Variants in SV2C observed in about 807,000 individuals in gnomAD.
The protein encoded by SV2C is synaptic vesicle glycoprotein 2C, also known as solute carrier family 22 member B3.
SV2C carries 49 observed loss-of-function variants against 79.7 expected under a neutral mutation model. That is an observed-to-expected ratio of 0.61 (90% CI 0.49 to 0.78). The LOEUF (loss-of-function observed/expected upper bound fraction) is 0.78, where lower values mean the gene tolerates loss of function less well. Among genes scored for constraint, SV2C ranks in the 30% least tolerant of loss-of-function variants. The pLI is 0.00. For synonymous variants in SV2C, 334 were observed against 333.2 expected (o/e 1.00, Z -0.03); for missense variants, 833 against 912.9 (o/e 0.91, Z 1.13).
intron 9 of SV2C, 70 bp from the exon 10 acceptor site, chr5:76,298,724 A>C: frequency 6.4e-7 from 1 of 1,566,964 alleles, no homozygotes; most frequent in South Asian, 1.2e-5. Context: ...CTCTAAAACT[A>C]TTTGACTTAG....
intron 2 of SV2C, among the ~76,000 whole-genome samples, chr5:76,185,840 G>A (rs1409300463): frequency 1.3e-5 from 2 of 152,190 alleles, no homozygotes; most frequent in African/African-American, 4.8e-5. Flanking sequence ...TTCAGCTCCT[G>A]TTACTTATGC....
chr5:76,021,706 G>T, the SV2C span, among the ~76,000 whole-genome samples: 1 of 152,164 alleles, frequency 6.6e-6, no homozygotes, highest in East Asian at 1.9e-4. Context: ...TCCTGGAAAA[G>T]TCATTTTATA....
At chr5:75,999,228 TGG>T in the SV2C span, among the ~76,000 whole-genome samples, 1 of 151,978 alleles carries the variant, frequency 6.6e-6, no homozygotes, top group Non-Finnish European at 1.5e-5. Context: ...GAGATTTGGG[TGG>T]GGACACAGCC....
the SV2C span, among the ~76,000 whole-genome samples, chr5:75,875,078 T>C: frequency 6.6e-6 from 1 of 151,944 alleles, no homozygotes; most frequent in Admixed American, 6.6e-5. Context: ...ACAACAACAC[T>C]ATTTTAAAAT....
intron 1 of SV2C, among the ~76,000 whole-genome samples, chr5:76,128,924 A>G (rs1748793565): frequency 6.6e-6 from 1 of 152,202 alleles, no homozygotes; most frequent in Admixed American, 6.5e-5. Flanking sequence ...TAACCTTCCC[A>G]TGTAGATACA....
the SV2C span, among the ~76,000 whole-genome samples, chr5:76,012,719 G>C: frequency 6.6e-6 from 1 of 151,880 alleles, no homozygotes. Flanking sequence ...GATTTTCTTC[G>C]GGGTTTTTAC....
chr5:75,956,709 G>T, the SV2C span, among the ~76,000 whole-genome samples: 1 of 151,964 alleles, frequency 6.6e-6, no homozygotes, highest in South Asian at 2.1e-4. Context: ...TAGAATCCTT[G>T]ATTTTCTAAC....
chr5:76,049,776 G>A, the SV2C span, among the ~76,000 whole-genome samples: 11 of 152,176 alleles, frequency 7.2e-5, no homozygotes, highest in Non-Finnish European at 1.2e-4. Flanking sequence ...GTGTTTCAAT[G>A]AGTAGCAGCT....
intron 4 of SV2C, among the ~76,000 whole-genome samples, chr5:76,226,257 ATTT>A (rs1321976996): frequency 1.3e-5 from 2 of 151,444 alleles, no homozygotes. Context: ...TGGCTTGACA[ATTT>A]AAGACTGAGA....
chr5:76,285,387 A>G (rs1747319902), intron 5 of SV2C, 92 bp downstream of exon 5: 2 of 1,534,190 alleles, frequency 1.3e-6, no homozygotes. Context: ...CCTATTTGAG[A>G]GGTACATTTT....
At chr5:75,972,334 A>T in the SV2C span, among the ~76,000 whole-genome samples, 1 of 152,110 alleles carries the variant, frequency 6.6e-6, no homozygotes, top group African/African-American at 2.4e-5. Flanking sequence ...AATGGGATCT[A>T]ATTAAACTAA....
intron 3 of SV2C, among the ~76,000 whole-genome samples, chr5:76,206,431 G>A (rs570430502): frequency 9.8e-4 from 149 of 152,304 alleles, no homozygotes; most frequent in African/African-American, 3.4e-3. Context: ...GTCAAGGGGT[G>A]ACCACAGCAA....
the SV2C span, among the ~76,000 whole-genome samples, chr5:75,970,131 C>G: frequency 4.6e-5 from 7 of 151,890 alleles, no homozygotes; most frequent in Admixed American, 3.9e-4. Context: ...CCAACGAGAA[C>G]AAAGATACAA....
chr5:76,186,778 C>T (rs137887899), intron 2 of SV2C, among the ~76,000 whole-genome samples: 3 of 120,508 alleles, frequency 2.5e-5, no homozygotes, highest in East Asian at 2.6e-4. Context: ...GTGGAAGGCA[C>T]CTCTTCACAG....
chr5:75,930,247 G>A, the SV2C span, among the ~76,000 whole-genome samples: 7 of 151,916 alleles, frequency 4.6e-5, no homozygotes, highest in African/African-American at 9.7e-5. Context: ...CAGGTGCAGC[G>A]TGCAGACGTT....
the SV2C span, among the ~76,000 whole-genome samples, chr5:76,048,706 G>A: frequency 6.6e-6 from 1 of 151,836 alleles, no homozygotes; most frequent in Non-Finnish European, 1.5e-5. Context: ...TGCACACATA[G>A]AGGAAAGACC....
chr5:76,245,065 G>A (rs11740431), intron 4 of SV2C, among the ~76,000 whole-genome samples: 66,635 of 152,004 alleles, frequency 0.44, 14,892 homozygotes, highest in Middle Eastern at 0.49. Context: ...CCCAAATTGG[G>A]TTAGTTCCCC....
intron 4 of SV2C, among the ~76,000 whole-genome samples, chr5:76,218,351 C>T (rs895554156): frequency 2.0e-5 from 3 of 152,138 alleles, no homozygotes; most frequent in Non-Finnish European, 2.9e-5. Context: ...ACTTGGAACA[C>T]ACCCAAATGC....
At chr5:76,100,271 A>G (rs1291124763) in intron 1 of SV2C, among the ~76,000 whole-genome samples, 1 of 152,208 alleles carries the variant, frequency 6.6e-6, no homozygotes, top group Non-Finnish European at 1.5e-5. Flanking sequence ...ACAGTATGTA[A>G]GAAAACTAGC....
Sources: gnomAD v4.1 joint callset for allele counts (sites outside exome capture counted in the v4.1 genomes callset) on GRCh38, gnomAD v4.1.1 for gene constraint, MANE v1.5 for transcripts, NCBI Gene and HGNC (gene_info 2026-07-23, HGNC 2026-07-21) for gene names.